EYS: variants seen among roughly 807,000 people sequenced by gnomAD.
EYS encodes the protein protein eyes shut homolog.
Under a neutral mutation model 282.1 loss-of-function variants are expected in EYS, and 250 were observed. The observed-to-expected ratio is 0.89, with a 90% confidence interval of 0.80 to 0.98. The LOEUF is 0.98. Among genes scored for constraint, EYS ranks in the 50% least tolerant of loss-of-function variants. The pLI, the probability that EYS is intolerant of heterozygous loss-of-function variation, is 0.00. For missense variants in EYS, 4,016 were observed against 3,709.0 expected (o/e 1.08, Z -2.15); for synonymous variants, 1,355 against 1,282.9 (o/e 1.06, Z -1.20).
intron 29 of EYS, among the ~76,000 whole-genome samples, chr6:64,382,904 A>T (rs1772794113): frequency 6.6e-6 from 1 of 151,688 alleles, no homozygotes; most frequent in South Asian, 2.1e-4. Flanking sequence ...GAGTGGTGGG[A>T]AAAGAGGTTT....
chr6:64,571,572 A>G (rs1456355341), intron 26 of EYS, among the ~76,000 whole-genome samples: 10 of 152,156 alleles, frequency 6.6e-5, no homozygotes, highest in South Asian at 6.2e-4. Flanking sequence ...TCAAATAGAC[A>G]CAATAAAAAA....
intron 2 of EYS, among the ~76,000 whole-genome samples, chr6:65,508,569 G>A (rs567205776): frequency 2.6e-5 from 4 of 151,368 alleles, no homozygotes; most frequent in South Asian, 2.1e-4. Context: ...AGCTAGTCAG[G>A]AGGCTGAGGC....
intron 22 of EYS, among the ~76,000 whole-genome samples, chr6:64,627,545 C>T (rs1024867754): frequency 6.6e-6 from 1 of 152,172 alleles, no homozygotes; most frequent in African/African-American, 2.4e-5. Context: ...ACAAGACAAG[C>T]AAATTTGCAA....
chr6:65,572,148 A>G (rs1359567760), intron 2 of EYS, among the ~76,000 whole-genome samples: 1 of 152,108 alleles, frequency 6.6e-6, no homozygotes, highest in African/African-American at 2.4e-5. Context: ...GCGTTTAATT[A>G]TTGAATAAAT....
intron 19 of EYS, among the ~76,000 whole-genome samples, chr6:64,859,448 G>A (rs1275255233): frequency 1.3e-5 from 2 of 150,640 alleles, no homozygotes; most frequent in African/African-American, 2.4e-5. Context: ...CAAAAATAAT[G>A]GAAATATATG....
intron 28 of EYS, among the ~76,000 whole-genome samples, chr6:64,428,122 C>T (rs16895206): frequency 0.28 from 42,123 of 151,958 alleles, 5,963 homozygotes; most frequent in East Asian, 0.46. Context: ...AAATTTATCA[C>T]TCAACAATTG....
In EYS at chr6:65,334,967, G is replaced by A; in HGVS notation, c.1766+13C>T. The A allele has an allele frequency of 6.2e-7, 1 of 1,600,938 alleles. No homozygotes were observed. Among genetic ancestry groups the A allele is most frequent in the Non-Finnish European group, 8.5e-7 (1 of 1,170,742 alleles). On this transcript the variant is annotated intron_variant, in intron 11 of 42. Coordinates refer to ENST00000503581, the MANE Select transcript of EYS (RefSeq NM_001142800.2). ...GATATGTGATATTATCTGCTCAAAT[G>A]ATACATAAATACCTGGGTCTATTAA...
intron 13 of EYS, among the ~76,000 whole-genome samples, chr6:65,053,823 CTATT>C (rs1238434771): frequency 3.3e-5 from 5 of 151,892 alleles, no homozygotes; most frequent in Non-Finnish European, 7.4e-5. Context: ...TAACCTGTAT[CTATT>C]GAATTCCAAA....
intron 30 of EYS, among the ~76,000 whole-genome samples, chr6:64,300,695 C>A (rs1161226876): frequency 6.6e-6 from 1 of 152,162 alleles, no homozygotes; most frequent in African/African-American, 2.4e-5. Flanking sequence ...GCTATTAATG[C>A]TAATTTGCAA....
intron 19 of EYS, among the ~76,000 whole-genome samples, chr6:64,878,635 A>T (rs1475191488): frequency 6.7e-6 from 1 of 150,154 alleles, no homozygotes; most frequent in Non-Finnish European, 1.5e-5. Flanking sequence ...CCCACTCATA[A>T]TTTTTCTCTG....
intron 10 of EYS, 122 bp from the exon 11 acceptor site, chr6:65,335,268 G>GAT: frequency 1.3e-5 from 10 of 744,612 alleles, no homozygotes; most frequent in Non-Finnish European, 2.1e-5. Flanking sequence ...CTAGGGTTAA[G>GAT]GAAACAGAAG....
Position 65,183,643 on chromosome 6 carries a change from T to G in EYS, c.2023+112220A>C, listed in dbSNP as rs555679742. On this transcript the variant is annotated intron_variant, in intron 12 of 42. Coordinates refer to ENST00000503581, the MANE Select transcript of EYS (RefSeq NM_001142800.2). ...TTGTTTAATATTTTTTCTTCTAATTTTATATGCTTTTAAACTATTATAAGT... is the reference window on the plus strand; with the variant it reads ...TTGTTTAATATTTTTTCTTCTAATTGTATATGCTTTTAAACTATTATAAGT... Among the ~76,000 whole-genome samples the G allele has an allele frequency of 2.6e-5, 4 of 152,024 alleles. No homozygotes were observed. The South Asian group carries it at 8.3e-4, about 32-fold the overall frequency.
At chr6:63,722,544 G>C (rs529659208) in intron 42 of EYS, among the ~76,000 whole-genome samples, 1 of 152,276 alleles carries the variant, frequency 6.6e-6, no homozygotes, top group African/African-American at 2.4e-5. Context: ...GAAAAGTAAA[G>C]GCAATTCTGC....
Position 64,926,035 on chromosome 6 carries a change from G to A in EYS, c.2382-13292C>T, listed in dbSNP as rs768917713. On this transcript the variant is annotated intron_variant, in intron 15 of 42. Coordinates refer to ENST00000503581, the MANE Select transcript of EYS (RefSeq NM_001142800.2). ...TGGTAGTGGGACCTGCTGTGCTCTCGTACTCCCAACCTAGGAGGGCTCCCT... is the reference window on the plus strand; with the variant it reads ...TGGTAGTGGGACCTGCTGTGCTCTCATACTCCCAACCTAGGAGGGCTCCCT... Among the ~76,000 whole-genome samples the A allele has an allele frequency of 1.9e-4, 29 of 152,126 alleles. 1 individual carries two copies. The highest frequency in any genetic ancestry group is 3.4e-4 in the Non-Finnish European group (23 of 68,002).
At chr6:65,138,834 A>T (rs1368993819) in intron 12 of EYS, among the ~76,000 whole-genome samples, 1 of 152,128 alleles carries the variant, frequency 6.6e-6, no homozygotes, top group Non-Finnish European at 1.5e-5. Flanking sequence ...GCATATGAAA[A>T]ATATTCAACA....
chr6:63,832,381 G>T (rs1227360635), intron 36 of EYS, among the ~76,000 whole-genome samples: 2 of 151,730 alleles, frequency 1.3e-5, no homozygotes, highest in Admixed American at 1.3e-4. Flanking sequence ...ATGATGAAGG[G>T]GATATCACCA....
At chr6:65,001,369 G>A (rs959319573) in intron 13 of EYS, among the ~76,000 whole-genome samples, 1 of 147,002 alleles carries the variant, frequency 6.8e-6, no homozygotes, top group Admixed American at 6.8e-5. Context: ...GAGTTGGGCC[G>A]CACAGTGGCC....
chr6:65,096,672 AGACAGC>A (rs1484391718), intron 12 of EYS, among the ~76,000 whole-genome samples: 2 of 151,088 alleles, frequency 1.3e-5, no homozygotes, highest in African/African-American at 4.8e-5. Flanking sequence ...CAAACAGAAT[AGACAGC>A]CTGGAAATAA....
At chr6:64,260,645 C>T (rs1767555473) in intron 30 of EYS, among the ~76,000 whole-genome samples, 1 of 151,918 alleles carries the variant, frequency 6.6e-6, no homozygotes. Context: ...GTCTTTATAG[C>T]AATATTGTAG....
Sources: allele counts gnomAD v4.1 joint callset (sites outside exome capture counted in the v4.1 genomes callset), GRCh38; gene constraint gnomAD v4.1.1; transcripts MANE v1.5; gene names NCBI Gene and HGNC (gene_info 2026-07-23, HGNC 2026-07-21).